MYT1: variants seen among roughly 807,000 people sequenced by gnomAD.
MYT1 encodes the protein myelin transcription factor I.
MYT1 carries 23 observed loss-of-function variants against 123.0 expected under a neutral mutation model. That is an observed-to-expected ratio of 0.19 (90% confidence interval 0.13 to 0.26). The LOEUF is 0.26. Ranked by LOEUF, MYT1 falls within the 10% of genes least tolerant of loss-of-function variation. The pLI is 1.00. For missense variants in MYT1, 1,125 were observed against 1,472.5 expected (o/e 0.76, Z 3.86); for synonymous variants, 518 against 575.3 (o/e 0.90, Z 1.43).
Position 64,196,731 on chromosome 20 carries a change from C to T in MYT1, c.1-2131C>T, listed in dbSNP as rs145516747. On this transcript the variant is annotated intron_variant, in intron 2 of 22. Transcript: ENST00000328439. This position sits in a 1 kb window ranked among gnomAD's most constrained non-coding sequence, Gnocchi z 4.3. ...GCGGCAGAGCTGTCAGCTTCATCAA[C>T]GGGAGCTCACAGTTTTCAAGCAGTG... Among the ~76,000 whole-genome samples, 6 of 152,304 alleles carry T rather than the reference C, an allele frequency of 3.9e-5. No homozygotes were observed. Among genetic ancestry groups the T allele is most frequent in the East Asian group, 1.9e-4 (1 of 5,180 alleles).
chr20:64,179,582 C>T (rs895727625), intron 1 of MYT1, among the ~76,000 whole-genome samples: 1 of 152,150 alleles, frequency 6.6e-6, no homozygotes, highest in Non-Finnish European at 1.5e-5. Context: ...GGGCTGAAAG[C>T]CTTCTTTGGA....
intron 20 of MYT1, among the ~76,000 whole-genome samples, 160 bp from the exon 21 acceptor site, chr20:64,237,127 G>A (rs1175491945): frequency 6.6e-6 from 1 of 152,224 alleles, no homozygotes; most frequent in East Asian, 1.9e-4. Flanking sequence ...AGCGCATAAT[G>A]TGGGGTATGA....
At chr20:64,201,795 C>G (rs79755969) in intron 4 of MYT1, among the ~76,000 whole-genome samples, 14,469 of 152,210 alleles carry the variant, frequency 0.095, 807 homozygotes, top group Middle Eastern at 0.2. Context: ...ATGACCCACG[C>G]AGAAAACGCA....
intron 21 of MYT1, among the ~76,000 whole-genome samples, chr20:64,238,764 G>T (rs184593021): frequency 3.2e-4 from 48 of 152,006 alleles, no homozygotes; most frequent in African/African-American, 1.1e-3. Flanking sequence ...CGTTGGGGTA[G>T]CACCTCTGAT....
At chr20:64,230,567 C>T (rs1294643107) in intron 18 of MYT1, among the ~76,000 whole-genome samples, 1 of 152,208 alleles carries the variant, frequency 6.6e-6, no homozygotes, top group Non-Finnish European at 1.5e-5. Context: ...TGTAGAGTAG[C>T]TGAAGAGCCA....
chr20:64,207,923 G>A lies in MYT1; in HGVS notation c.727G>A (p.Ala243Thr). 1.2e-6 allele frequency: 2 copies of A among 1,612,312 alleles called. No individual in the cohort carries two copies. The highest frequency in any genetic ancestry group is 1.7e-6 in the Non-Finnish European group (2 of 1,179,448). Residue 243 changes from alanine (A) to threonine (T), a missense_variant, in exon 7 of 23, where the codon GCA (alanine) becomes ACA (threonine). Transcript: ENST00000328439. Reference sequence around the variant, plus strand: ...CCTGTGTCCCCAGTCCCTGGAGGATGCAGCCAGTGAGGAGTCCAGCAAGCA... The same window carrying A: ...CCTGTGTCCCCAGTCCCTGGAGGATACAGCCAGTGAGGAGTCCAGCAAGCA... ...QDLCPQSLED[A>T]ASEESSKQKG...
rs373367084 is a variant in MYT1 at position 64,205,538 on chromosome 20, A to T, written c.150-15A>T. 4.2e-5 allele frequency: 68 copies of T among 1,612,734 alleles called. No homozygotes were observed. The African/African-American group carries it at 8.6e-4, about 20-fold the overall frequency. ...CCTAGCCTGGTCCTCTCCACTGCCT[A>T]CTCCTCCCTCCCAGTTTACAGAGCT... On this transcript the variant is annotated splice_polypyrimidine_tract_variant and intron_variant, in intron 5 of 22. Coordinates refer to ENST00000328439, the MANE Select transcript of MYT1 (RefSeq NM_004535.3).
chr20:64,165,691 C>T (rs549203786), intron 1 of MYT1, among the ~76,000 whole-genome samples: 2 of 152,282 alleles, frequency 1.3e-5, no homozygotes, highest in Admixed American at 1.3e-4. Flanking sequence ...GGAAACCAAA[C>T]ATTTGCGGTG....
At position 64,240,561 on chromosome 20, in the gene MYT1, G is replaced by T. The variant is rs556049620; in HGVS notation, c.*113G>T. The T allele has an allele frequency of 1.1e-5, 15 of 1,409,616 alleles. No homozygotes were observed. The African/African-American group carries it at 1.7e-4, about 16-fold the overall frequency. The allele number at this position is 1,409,616 out of a possible 1,614,324, so 87.3% of individuals were successfully genotyped here. A position where few individuals can be genotyped will look rare whatever the true frequency, so the allele number is the denominator to read the frequency against. ...TGACTTCCCGTTTGGGGCCCGGTGT[G>T]GCCGCGGGCGGGTTTATCCAAAGGG... is the stretch of plus-strand genomic sequence containing the variant. On this transcript the variant is annotated 3_prime_UTR_variant, in exon 23 of 23. Coordinates refer to ENST00000328439, the MANE Select transcript of MYT1 (RefSeq NM_004535.3).
In MYT1 at chr20:64,208,821, C is replaced by T. The variant is rs1225819976; in HGVS notation, c.1291+334C>T. On this transcript the variant is annotated intron_variant, in intron 7 of 22. Transcript: ENST00000328439. This position sits in a 1 kb window ranked among gnomAD's most constrained non-coding sequence, Gnocchi z 5.4. ...GAGGGTGGGGACCGTCCTGTCCCTT[C>T]CACCCCAACTCACACTCGTGGCAGG... is the stretch of plus-strand genomic sequence containing the variant. Among the ~76,000 whole-genome samples the T allele has an allele frequency of 6.6e-6, 1 of 152,186 alleles. No homozygotes were observed. Among genetic ancestry groups the T allele is most frequent in the Non-Finnish European group, 1.5e-5 (1 of 68,026 alleles).
chr20:64,199,777 C>T, intron 3 of MYT1, 115 bp from the exon 4 acceptor site: 7 of 1,233,568 alleles, frequency 5.7e-6, no homozygotes, highest in South Asian at 4.9e-5. Context: ...TGAGATTTGC[C>T]TCCACTCGTC....
rs1982952812 is a variant in MYT1, at chr20:64,190,986, G to A, written c.-1+826G>A. On this transcript the variant is annotated intron_variant, in intron 2 of 22. Coordinates refer to ENST00000328439, the MANE Select transcript of MYT1 (RefSeq NM_004535.3). The surrounding 1 kb of genome is among the most constrained non-coding windows in gnomAD (Gnocchi z 4.1). ...TCCATCTCAGAAAACAAGCAAGCAA[G>A]CAAACAAAAAAAACCCACCAAAATG... 6.6e-6 allele frequency among the ~76,000 whole-genome samples: 1 copy of A among 152,064 alleles called. No individual in the cohort carries two copies. The highest frequency in any genetic ancestry group is 1.5e-5 in the Non-Finnish European group (1 of 67,992).
At chr20:64,178,518 C>A (rs58231615) in intron 1 of MYT1, among the ~76,000 whole-genome samples, 4 of 141,694 alleles carry the variant, frequency 2.8e-5, no homozygotes, top group South Asian at 5.6e-4. Context: ...AGCACTGAGC[C>A]GTTATTCGGT....
rs564638622 is a variant in MYT1 at position 64,230,786 on chromosome 20, A to G, written c.2676-1378A>G. 5.0e-4 allele frequency among the ~76,000 whole-genome samples: 76 copies of G among 152,284 alleles called. 1 individual carries two copies. Among genetic ancestry groups the G allele is most frequent in the South Asian group, 1.9e-3 (9 of 4,830 alleles). On this transcript the variant is annotated intron_variant, in intron 18 of 22. Transcript: ENST00000328439. ...CGGACTGGCTCAGGGAATGTCCTAA[A>G]AGTTTCTGAGGGCCAGGTGGGTGGG...
chr20:64,240,483 C>T lies in MYT1; in HGVS notation c.*35C>T, dbSNP rs1009229947. 4 of 1,601,102 alleles carry T rather than the reference C, an allele frequency of 2.5e-6. No homozygotes were observed. The highest frequency in any genetic ancestry group is 3.4e-6 in the Non-Finnish European group (4 of 1,174,906). ...TACCCAGAAGTGTCCCAGCCCACCA[C>T]ACCGTTTACCTCCCTCGCCCTGCCC... On this transcript the variant is annotated 3_prime_UTR_variant, in exon 23 of 23. Transcript: ENST00000328439.
intron 19 of MYT1, among the ~76,000 whole-genome samples, chr20:64,236,120 C>T (rs1601726919): frequency 3.4e-5 from 4 of 118,638 alleles, no homozygotes; most frequent in Admixed American, 1.7e-4. Flanking sequence ...CCTGGGCTGG[C>T]TGTGGTGGGT....
intron 6 of MYT1, 104 bp downstream of exon 6, chr20:64,205,904 C>T (rs1488903403): frequency 6.6e-7 from 1 of 1,516,290 alleles, no homozygotes; most frequent in Non-Finnish European, 8.8e-7. Flanking sequence ...AGAGAAAGCC[C>T]TTCCTGAGAA....
chr20:64,201,469 ATGC>A (rs68180255), intron 4 of MYT1, among the ~76,000 whole-genome samples: 87,410 of 151,486 alleles, frequency 0.58, 27,255 homozygotes, highest in African/African-American at 0.81. Context: ...CATTGCTAAC[ATGC>A]AATGTGATGC....
In MYT1 at chr20:64,208,000, AGAG is replaced by A. The variant is rs370664533; in HGVS notation, c.819_821del (p.Glu273del). ...AGGACGAGGAGGAGGAGGAGGAGGA[AGAG>A]GAGGAGGAGGAGGATGAAGAAGAGG... On this transcript the variant is annotated inframe_deletion, in exon 7 of 23. Transcript: ENST00000328439. 2,974 of 1,552,030 alleles carry A rather than the reference AGAG, an allele frequency of 1.9e-3. 14 individuals are homozygous for A. Among genetic ancestry groups the A allele is most frequent in the East Asian group, 0.017 (742 of 43,508 alleles).
Sources: gnomAD v4.1 joint callset for allele counts (sites outside exome capture counted in the v4.1 genomes callset) on GRCh38, gnomAD v4.1.1 for gene constraint, Gnocchi (gnomAD v3.1) non-coding constraint, MANE v1.5 for transcripts, NCBI Gene and HGNC (gene_info 2026-07-23, HGNC 2026-07-21) for gene names.